FBN2: variants seen among roughly 807,000 people sequenced by gnomAD.
The protein encoded by FBN2 is fibrillin-2.
In FBN2, 105 loss-of-function variants were observed where a neutral mutation model predicts 355.6. The ratio of observed to expected loss-of-function variants is 0.30; its 90% CI spans 0.25 to 0.35. The LOEUF (loss-of-function observed/expected upper bound fraction) is 0.35. Ranked by LOEUF, FBN2 falls within the 10% of genes least tolerant of loss-of-function variation. FBN2 has a pLI of 1.00. For synonymous variants in FBN2, 1,350 were observed against 1,301.2 expected (o/e 1.04, Z -0.81); for missense variants, 3,280 against 3,758.7 (o/e 0.87, Z 3.33).
At chr5:128,452,073 A>G (rs926936198) in intron 6 of FBN2, among the ~76,000 whole-genome samples, 52 of 152,138 alleles carry the variant, frequency 3.4e-4, no homozygotes, top group African/African-American at 1.2e-3. Context: ...AAAATTTAAA[A>G]GAAATTATAT....
At chr5:128,326,852 A>T (rs1561771780) in intron 34 of FBN2, among the ~76,000 whole-genome samples, 1 of 152,168 alleles carries the variant, frequency 6.6e-6, no homozygotes, top group Non-Finnish European at 1.5e-5. Context: ...ACTAGATGTG[A>T]AGGAAGTACA....
Position 128,280,344 on chromosome 5 carries a change from A to G in FBN2, c.7013-27T>C, listed in dbSNP as rs1433277227. 6 of 1,575,748 alleles carry G rather than the reference A, an allele frequency of 3.8e-6. 1 individual carries two copies. The highest frequency in any genetic ancestry group is 1.7e-4 in the Middle Eastern group (1 of 6,022). Reference sequence around the variant, plus strand: ...TTTAGAAAAACAAACAATATGAATAATGAGAAAACTGTCAAATTATAGTTT... The same window carrying G: ...TTTAGAAAAACAAACAATATGAATAGTGAGAAAACTGTCAAATTATAGTTT... On this transcript the variant is annotated intron_variant, in intron 55 of 64. Coordinates refer to ENST00000262464, the MANE Select transcript of FBN2 (RefSeq NM_001999.4).
Position 128,537,360 on chromosome 5 carries a change from C to G in FBN2, c.244G>C (p.Val82Leu), listed in dbSNP as rs550387143. 2.5e-6 allele frequency: 4 copies of G among 1,610,744 alleles called. No homozygotes were observed. The African/African-American group carries it at 4.0e-5, about 16-fold the overall frequency. ...SRVRRRGQQDVLRGPNVCGSR... is the reference protein window; with the variant it reads ...SRVRRRGQQDLLRGPNVCGSR... ...CGCTTGCCCACTTACCCTCGGAGCACGTCCTGCTGTCCTCGCCGGCGGACG... is the reference window on the plus strand; with the variant it reads ...CGCTTGCCCACTTACCCTCGGAGCAGGTCCTGCTGTCCTCGCCGGCGGACG... The change falls in exon 1 of 65, where the codon GTG becomes CTG. Residue 82 changes from valine (V) to leucine (L), a missense_variant. Transcript: ENST00000262464.
chr5:128,296,680 G>A (rs1235449135), intron 48 of FBN2, among the ~76,000 whole-genome samples: 1 of 152,142 alleles, frequency 6.6e-6, no homozygotes, highest in African/African-American at 2.4e-5. Context: ...GATCGATGGT[G>A]ATATCCCCTT....
At chr5:128,427,270 A>T (rs780328304) in intron 7 of FBN2, among the ~76,000 whole-genome samples, 1 of 152,220 alleles carries the variant, frequency 6.6e-6, no homozygotes, top group Non-Finnish European at 1.5e-5. Flanking sequence ...GCTAGTCCTG[A>T]GAAGTAAATG....
rs964468564 is a variant in FBN2, at chr5:128,538,023, C to T, written c.-420G>A. On this transcript the variant is annotated 5_prime_UTR_variant, in exon 1 of 65. Coordinates refer to ENST00000262464, the MANE Select transcript of FBN2 (RefSeq NM_001999.4). ...GAGCTCGGCGGATTCCCGTGCGCTC[C>T]GAAGACGGATATTGGAAAGCTGCAA... 8 of 204,386 alleles carry T rather than the reference C, an allele frequency of 3.9e-5. No homozygotes were observed. The highest frequency in any genetic ancestry group is 7.8e-5 in the Non-Finnish European group (8 of 102,462). 12.7% of individuals were successfully genotyped at this position (204,386 alleles called of 1,614,324 possible).
intron 5 of FBN2, among the ~76,000 whole-genome samples, chr5:128,504,041 C>G (rs772988368): frequency 3.5e-4 from 53 of 152,316 alleles, no homozygotes; most frequent in Admixed American, 9.8e-4. Flanking sequence ...GGCCAATGTA[C>G]AGCTCAGGCT....
intron 19 of FBN2, among the ~76,000 whole-genome samples, chr5:128,359,317 C>G (rs571732499): frequency 1.3e-5 from 2 of 152,092 alleles, no homozygotes; most frequent in African/African-American, 4.8e-5. Flanking sequence ...CCTGTCTAGT[C>G]TTTGGAAATT....
At chr5:128,399,745 C>A (rs914461089) in intron 8 of FBN2, among the ~76,000 whole-genome samples, 3 of 151,836 alleles carry the variant, frequency 2.0e-5, no homozygotes, top group Non-Finnish European at 4.4e-5. Context: ...GGCAAACATA[C>A]AGGTAATTTT....
intron 19 of FBN2, among the ~76,000 whole-genome samples, chr5:128,359,813 T>C (rs180726958): frequency 1.3e-5 from 2 of 152,204 alleles, no homozygotes; most frequent in East Asian, 1.9e-4. Flanking sequence ...TAACTGTTCA[T>C]GTAAGCAGGT....
At chr5:128,368,487 C>CACATATATAT (rs1467291639) in intron 16 of FBN2, among the ~76,000 whole-genome samples, 1 of 99,798 alleles carries the variant, frequency 1.0e-5, no homozygotes. Flanking sequence ...CATATATATA[C>CACATATATAT]ACATATATAT....
chr5:128,317,073 C>T (rs1200312294), intron 36 of FBN2, among the ~76,000 whole-genome samples: 1 of 152,126 alleles, frequency 6.6e-6, no homozygotes, highest in Non-Finnish European at 1.5e-5. Context: ...CCTTCTCCTG[C>T]CACATGCCCC....
intron 23 of FBN2, among the ~76,000 whole-genome samples, chr5:128,348,631 G>A (rs576805963): frequency 5.3e-5 from 8 of 152,012 alleles, no homozygotes; most frequent in African/African-American, 1.9e-4. Context: ...ACAAATCTAT[G>A]TAAAGTTCTT....
In FBN2 at chr5:128,442,857, A is replaced by G. The variant is rs149250115; in HGVS notation, c.952+3624T>C. ...AGATTTACAGCTTACCTAGTTGTCTATATCTGAATATGAGGGAAAAAAAGA... is the reference window on the plus strand; with the variant it reads ...AGATTTACAGCTTACCTAGTTGTCTGTATCTGAATATGAGGGAAAAAAAGA... On this transcript the variant is annotated intron_variant, in intron 7 of 64. Transcript: ENST00000262464. Among the ~76,000 whole-genome samples the G allele has an allele frequency of 1.6e-4, 24 of 152,310 alleles. No individual in the cohort carries two copies. In the East Asian group the frequency reaches 4.4e-3, roughly 28 times the overall value.
At chr5:128,328,304 C>T in intron 34 of FBN2, 2 of 413,228 alleles carry the variant, frequency 4.8e-6, no homozygotes, top group South Asian at 2.6e-5. Flanking sequence ...AAGGTAAATG[C>T]CAAAAATGAG....
intron 7 of FBN2, among the ~76,000 whole-genome samples, chr5:128,445,601 T>C (rs567060965): frequency 2.9e-4 from 44 of 152,312 alleles, no homozygotes; most frequent in African/African-American, 1.0e-3. Context: ...AAGACTTAAT[T>C]TGACTTGATG....
At chr5:128,446,887 G>A (rs572771276) in intron 6 of FBN2, among the ~76,000 whole-genome samples, 11 of 152,316 alleles carry the variant, frequency 7.2e-5, no homozygotes, top group Admixed American at 7.2e-4. Flanking sequence ...GGAGGGACCG[G>A]CTGAAGCCAT....
chr5:128,475,860 G>A (rs1436470687), intron 5 of FBN2, among the ~76,000 whole-genome samples: 2 of 152,146 alleles, frequency 1.3e-5, no homozygotes, highest in Non-Finnish European at 2.9e-5. Flanking sequence ...ACACTTCTGA[G>A]AAAGGATTCT....
chr5:128,533,173 G>C (rs1242634073), intron 2 of FBN2, among the ~76,000 whole-genome samples: 5 of 152,214 alleles, frequency 3.3e-5, no homozygotes, highest in Non-Finnish European at 7.3e-5. Flanking sequence ...CTGATCACCA[G>C]TAACTCTCCA....
Sources: allele counts gnomAD v4.1 joint callset (sites outside exome capture counted in the v4.1 genomes callset), GRCh38; gene constraint gnomAD v4.1.1; transcripts MANE v1.5; gene names NCBI Gene and HGNC (gene_info 2026-07-23, HGNC 2026-07-21).